ACYP2: variants seen among roughly 807,000 people sequenced by gnomAD.
ACYP2 encodes acylphosphatase-2.
Under a neutral mutation model 11.2 loss-of-function variants are expected in ACYP2, and 12 were observed. The ratio of observed to expected loss-of-function variants is 1.08; its 90% CI spans 0.69 to 1.74. The LOEUF is 1.74. ACYP2 is among the 40% of genes most tolerant of loss of function. The pLI is 0.00. For synonymous variants in ACYP2, 43 were observed against 32.2 expected (o/e 1.33, Z -1.13); for missense variants, 134 against 101.9 (o/e 1.31, Z -1.35).
In ACYP2 at chr2:54,073,217, A is replaced by C. The variant is rs1677157143; in HGVS notation, c.277+15857A>C. 2.0e-5 allele frequency among the ~76,000 whole-genome samples: 3 copies of C among 152,170 alleles called. No homozygotes were observed. In the South Asian group the frequency reaches 6.2e-4, roughly 32 times the overall value. On this transcript the variant is annotated intron_variant, in intron 4 of 6. Coordinates refer to ENST00000607452, the MANE Select transcript of ACYP2 (RefSeq NM_001320586.2). ...ATGAATGAAGGCGGACTCTGACTTC[A>C]CACCATATGTAAGAATAAATCAAAA...
chr2:54,236,093 AT>A (rs529758708), intron 6 of ACYP2, among the ~76,000 whole-genome samples: 133 of 151,314 alleles, frequency 8.8e-4, no homozygotes, highest in Non-Finnish European at 1.6e-3. Flanking sequence ...GATTTCTGGA[AT>A]TTTTTTTGTT....
Position 54,093,797 on chromosome 2 carries a change from G to A in ACYP2, c.277+36437G>A, listed in dbSNP as rs1008355578. 4.6e-5 allele frequency among the ~76,000 whole-genome samples: 7 copies of A among 152,216 alleles called. No individual in the cohort carries two copies. In the East Asian group the frequency reaches 5.8e-4, roughly 13 times the overall value. ...CTACTAAAAATACAAAAAATTAGCC[G>A]GGCGTGGTCGTGGGCGCCTGTAGTC... On this transcript the variant is annotated intron_variant, in intron 4 of 6. Coordinates refer to ENST00000607452, the MANE Select transcript of ACYP2 (RefSeq NM_001320586.2).
intron 5 of ACYP2, among the ~76,000 whole-genome samples, chr2:54,137,520 G>A (rs1257126050): frequency 6.6e-6 from 1 of 151,984 alleles, no homozygotes; most frequent in Non-Finnish European, 1.5e-5. Context: ...ACTTCTACGT[G>A]AGAACATGCA....
chr2:54,095,673 C>A (rs1335924786), intron 4 of ACYP2, among the ~76,000 whole-genome samples: 1 of 134,496 alleles, frequency 7.4e-6, no homozygotes, highest in Non-Finnish European at 1.6e-5. Context: ...GACCCCCCCA[C>A]CTCCCTCCTG....
At chr2:54,246,711 G>GTCTAATA (rs1686970725) in intron 6 of ACYP2, among the ~76,000 whole-genome samples, 3 of 152,054 alleles carry the variant, frequency 2.0e-5, no homozygotes, top group African/African-American at 7.2e-5. Flanking sequence ...TAATTGTATT[G>GTCTAATA]TCTAATATCT....
intron 4 of ACYP2, among the ~76,000 whole-genome samples, chr2:54,096,258 C>T (rs1255474748): frequency 1.4e-4 from 20 of 140,630 alleles, no homozygotes; most frequent in African/African-American, 5.4e-4. Context: ...GAGGCGCTCC[C>T]CACATCTCAG....
At position 54,185,183 on chromosome 2, in the gene ACYP2, C is replaced by G. The variant is rs796650844; in HGVS notation, c.404+46435C>G. On this transcript the variant is annotated intron_variant, in intron 6 of 6. Coordinates refer to ENST00000607452, the MANE Select transcript of ACYP2 (RefSeq NM_001320586.2). Reference sequence around the variant, plus strand: ...CCAAGCAAATAATCTAAATCCTTTCCTTAGTCGTGATTGATAAGAGAATGG... The same window carrying G: ...CCAAGCAAATAATCTAAATCCTTTCGTTAGTCGTGATTGATAAGAGAATGG... Among the ~76,000 whole-genome samples, 6 of 152,258 alleles carry G rather than the reference C, an allele frequency of 3.9e-5. 1 individual carries two copies. The highest frequency in any genetic ancestry group is 1.4e-4 in the African/African-American group (6 of 41,550).
chr2:54,278,759 TACCTATA>T (rs1227062424), intron 6 of ACYP2, among the ~76,000 whole-genome samples: 1 of 152,260 alleles, frequency 6.6e-6, no homozygotes, highest in Admixed American at 6.5e-5. Context: ...CATACCTATT[TACCTATA>T]GGTTTCTTTT....
chr2:54,067,981 G>A (rs1676828704), intron 4 of ACYP2, among the ~76,000 whole-genome samples: 1 of 152,220 alleles, frequency 6.6e-6, no homozygotes, highest in Non-Finnish European at 1.5e-5. Context: ...TTGAGGGAAG[G>A]AGAATGAACA....
chr2:54,305,099 A>G lies in ACYP2; in HGVS notation c.*297A>G. 1 of 193,198 alleles carries G rather than the reference A, an allele frequency of 5.2e-6. No individual in the cohort carries two copies. The highest frequency in any genetic ancestry group is 1.0e-5 in the Non-Finnish European group (1 of 95,388). The allele number at this position is 193,198 out of a possible 1,614,324, so 12.0% of individuals were successfully genotyped here. A position where few individuals can be genotyped will look rare whatever the true frequency, so the allele number is the denominator to read the frequency against. The stretch of plus-strand genomic sequence containing the variant: ...TTTCAATGAACATTACAGCATATAT[A>G]TGTTATTTGGCGAGACATCAAATAA... On this transcript the variant is annotated 3_prime_UTR_variant, in exon 7 of 7. Transcript: ENST00000607452.
At chr2:54,147,886 C>T (rs1681967105) in intron 6 of ACYP2, among the ~76,000 whole-genome samples, 1 of 152,006 alleles carries the variant, frequency 6.6e-6, no homozygotes, top group Admixed American at 6.6e-5. Context: ...TTTGTACCAG[C>T]TAGGAATATT....
intron 6 of ACYP2, among the ~76,000 whole-genome samples, chr2:54,264,444 C>T (rs1687925558): frequency 6.6e-6 from 1 of 152,184 alleles, no homozygotes; most frequent in Non-Finnish European, 1.5e-5. Context: ...CAACTCCCCA[C>T]CCGACCCAGA....
intron 2 of ACYP2, among the ~76,000 whole-genome samples, chr2:53,981,923 C>T (rs1433309378): frequency 3.3e-5 from 5 of 152,092 alleles, no homozygotes; most frequent in Non-Finnish European, 5.9e-5. Flanking sequence ...TTTATTAAAA[C>T]GTTTATTTGA....
At chr2:54,005,819 C>T (rs888796022) in intron 2 of ACYP2, among the ~76,000 whole-genome samples, 3 of 152,162 alleles carry the variant, frequency 2.0e-5, no homozygotes, top group Admixed American at 6.5e-5. Context: ...GGTCTTTTGC[C>T]TTTCCATATA....
chr2:54,107,732 A>G (rs1435059166), intron 4 of ACYP2, among the ~76,000 whole-genome samples: 2 of 152,206 alleles, frequency 1.3e-5, no homozygotes, highest in African/African-American at 4.8e-5. Flanking sequence ...TCGGGAATCC[A>G]TTGCTGACAT....
chr2:54,052,949 G>T (rs150361077), intron 3 of ACYP2, among the ~76,000 whole-genome samples: 3 of 152,206 alleles, frequency 2.0e-5, no homozygotes, highest in African/African-American at 7.2e-5. Flanking sequence ...TCCCTTCACT[G>T]ACTCATCTAT....
chr2:54,208,305 AATAACATACTACCCTTAGTCTTAC>A (rs751941135), intron 6 of ACYP2, among the ~76,000 whole-genome samples: 6 of 152,078 alleles, frequency 3.9e-5, no homozygotes, highest in Admixed American at 2.0e-4. Flanking sequence ...TCCTGATGTG[AATAACATACTACCCTTAGTCTTAC>A]ATTTCTAATT....
chr2:54,199,844 T>G (rs1384724802), intron 6 of ACYP2, among the ~76,000 whole-genome samples: 1 of 152,340 alleles, frequency 6.6e-6, no homozygotes, highest in East Asian at 1.9e-4. Context: ...TGTTCTGTCA[T>G]GCGGGACCCA....
intron 6 of ACYP2, among the ~76,000 whole-genome samples, chr2:54,274,167 C>T (rs971613508): frequency 1.3e-5 from 2 of 152,178 alleles, no homozygotes; most frequent in Non-Finnish European, 2.9e-5. Flanking sequence ...GGAGCAGTCA[C>T]ATCTTACATG....
Sources: allele counts gnomAD v4.1 joint callset (sites outside exome capture counted in the v4.1 genomes callset), GRCh38; gene constraint gnomAD v4.1.1; transcripts MANE v1.5; gene names NCBI Gene and HGNC (gene_info 2026-07-23, HGNC 2026-07-21).